KASH5: variants seen among roughly 807,000 people sequenced by gnomAD.
KASH5 encodes KASH domain containing 5.
Under a neutral mutation model 84.2 loss-of-function variants are expected in KASH5, and 72 were observed. The ratio of observed to expected loss-of-function variants is 0.85; its 90% CI spans 0.71 to 1.04. KASH5 has a LOEUF of 1.04. Among genes scored for constraint, KASH5 ranks in the 50% least tolerant of loss-of-function variants. KASH5 has a pLI of 0.00. For synonymous variants in KASH5, 260 were observed against 279.1 expected (o/e 0.93, Z 0.68); for missense variants, 650 against 701.0 (o/e 0.93, Z 0.82).
At chr19:49,407,694 C>G (rs973517031) in intron 12 of KASH5, 23 bp downstream of exon 12, 1 of 1,585,404 alleles carries the variant, frequency 6.3e-7, no homozygotes, top group African/African-American at 1.3e-5. Flanking sequence ...CCCTCGCCAC[C>G]CACCGCGGCC....
Position 49,414,063 on chromosome 19 carries a change from C to T in KASH5, c.1329-888C>T, listed in dbSNP as rs1442994353. On this transcript the variant is annotated intron_variant, in intron 16 of 19. Transcript: ENST00000447857. This position sits in a 1 kb window ranked among gnomAD's most constrained non-coding sequence, Gnocchi z 4.5. ...TCTAAGGGGCATTCAGGCTGGGCAG[C>T]TTGAGGCCTGAGTCCCCAAAGCAGC... 6.6e-6 allele frequency among the ~76,000 whole-genome samples: 1 copy of T among 151,940 alleles called. No individual in the cohort carries two copies. The highest frequency in any genetic ancestry group is 1.5e-5 in the Non-Finnish European group (1 of 67,970).
chr19:49,400,353 C>CTTTTTTTTTTTTTTTT (rs36066335), intron 9 of KASH5, among the ~76,000 whole-genome samples: 6 of 124,212 alleles, frequency 4.8e-5, no homozygotes, highest in Admixed American at 8.6e-5. Context: ...CTTTTAGTTT[C>CTTTTTTTTTTTTTTTT]TTTTTTTTTT....
chr19:49,409,053 A>C, intron 13 of KASH5, 22 bp downstream of exon 13: 1 of 1,581,516 alleles, frequency 6.3e-7, no homozygotes, highest in Non-Finnish European at 8.6e-7. Flanking sequence ...TTCAAGGGGT[A>C]GGAGGAGGCA....
At chr19:49,398,360 T>TTC (rs1027060562) in intron 7 of KASH5, among the ~76,000 whole-genome samples, 75 of 151,284 alleles carry the variant, frequency 5.0e-4, no homozygotes, top group African/African-American at 1.6e-3. Context: ...GGGTTCAGAC[T>TTC]TCTCTCTCTC....
chr19:49,393,587 C>A (rs1203244019), intron 2 of KASH5: 1 of 152,272 alleles, frequency 6.6e-6, no homozygotes, highest in African/African-American at 2.4e-5. Flanking sequence ...GTGGCTCCTG[C>A]AGTTGAGGAT....
chr19:49,399,149 C>G lies in KASH5; in HGVS notation c.747+7C>G. 1 of 1,546,448 alleles carries G rather than the reference C, an allele frequency of 6.5e-7. No homozygotes were observed. The highest frequency in any genetic ancestry group is 2.4e-5 in the East Asian group (1 of 40,878). Reference sequence around the variant, plus strand: ...GGCCCAAGCCCGGCAGGCGGTGGGTCTGGCCCAGGGGAAGGAAGGTGCCCT... The same window carrying G: ...GGCCCAAGCCCGGCAGGCGGTGGGTGTGGCCCAGGGGAAGGAAGGTGCCCT... On this transcript the variant is annotated splice_region_variant and intron_variant, in intron 8 of 19. Transcript: ENST00000447857. This position sits in a 1 kb window ranked among gnomAD's most constrained non-coding sequence, Gnocchi z 4.4.
intron 9 of KASH5, among the ~76,000 whole-genome samples, chr19:49,404,271 T>G (rs577533690): frequency 1.3e-5 from 2 of 152,298 alleles, no homozygotes; most frequent in South Asian, 4.1e-4. Context: ...GAAAGGGAAC[T>G]CTGGACTGCC....
rs940325935 is a variant in KASH5, at chr19:49,402,198, T to C, written c.798+2691T>C. Among the ~76,000 whole-genome samples the C allele has an allele frequency of 1.0e-4, 15 of 150,446 alleles. No homozygotes were observed. The East Asian group carries it at 3.0e-3, about 30-fold the overall frequency. ...CAGAGGTTGCAGTGAGCCAAGATGG[T>C]ACCAGTGTACTCCAGTCTGGGCGAC... On this transcript the variant is annotated intron_variant, in intron 9 of 19. Transcript: ENST00000447857.
At chr19:49,409,152 C>T in intron 13 of KASH5, 44 bp from the exon 14 acceptor site, 1 of 1,603,852 alleles carries the variant, frequency 6.2e-7, no homozygotes, top group African/African-American at 1.3e-5. Flanking sequence ...TGAGTGGCCA[C>T]CAGGCACAGA....
chr19:49,403,856 C>T (rs1974443776), intron 9 of KASH5, among the ~76,000 whole-genome samples: 2 of 152,210 alleles, frequency 1.3e-5, no homozygotes, highest in African/African-American at 2.4e-5. Flanking sequence ...GGTTCCCTCC[C>T]CTCTACCTTC....
Position 49,399,371 on chromosome 19 carries a change from G to A in KASH5, c.748-86G>A. 2 of 1,334,404 alleles carry A rather than the reference G, an allele frequency of 1.5e-6. No homozygotes were observed. Among genetic ancestry groups the A allele is most frequent in the Non-Finnish European group, 2.1e-6 (2 of 950,364 alleles). The allele number at this position is 1,334,404 out of a possible 1,614,324, so 82.7% of individuals were successfully genotyped here. ...CCCAGACCCATTCCCCCAGGCCCTG[G>A]TTGTGTTTTCAGGGGTGGGAGAAGG... On this transcript the variant is annotated intron_variant, in intron 8 of 19. Coordinates refer to ENST00000447857, the MANE Select transcript of KASH5 (RefSeq NM_144688.5). This position sits in a 1 kb window ranked among gnomAD's most constrained non-coding sequence, Gnocchi z 4.4.
chr19:49,392,146 A>G (rs868353390), intron 2 of KASH5, among the ~76,000 whole-genome samples: 9 of 152,094 alleles, frequency 5.9e-5, no homozygotes, highest in African/African-American at 2.2e-4. Flanking sequence ...GTAGGAACAC[A>G]CCCAGAAGGA....
At position 49,396,256 on chromosome 19, in the gene KASH5, T is replaced by G. The variant is rs549875571; in HGVS notation, c.400+423T>G. Among the ~76,000 whole-genome samples the G allele has an allele frequency of 9.6e-4, 91 of 94,760 alleles. 1 individual carries two copies. Among genetic ancestry groups the G allele is most frequent in the Middle Eastern group, 5.7e-3 (1 of 176 alleles). 62.2% of individuals were successfully genotyped at this position (94,760 alleles called of 152,430 possible). ...CACCCTGCTGGACTTTTTTTTTTTT[T>G]TTTTTTTTTTTTTTGAGATAAGAGT... On this transcript the variant is annotated intron_variant, in intron 5 of 19. Coordinates refer to ENST00000447857, the MANE Select transcript of KASH5 (RefSeq NM_144688.5).
intron 9 of KASH5, among the ~76,000 whole-genome samples, chr19:49,405,984 T>C (rs1568618270): frequency 7.2e-6 from 1 of 138,528 alleles, no homozygotes; most frequent in Non-Finnish European, 1.5e-5. Flanking sequence ...AAAAATTAGC[T>C]GGGTGTTGTG....
rs148178693 is a variant in KASH5, at chr19:49,402,670, G to A, written c.798+3163G>A. Reference sequence around the variant, plus strand: ...TGCAGCGAGCTGAGATTGTGCCACCGCATTCTAGCCTGGGTGACAGAGCGA... The same window carrying A: ...TGCAGCGAGCTGAGATTGTGCCACCACATTCTAGCCTGGGTGACAGAGCGA... On this transcript the variant is annotated intron_variant, in intron 9 of 19. Coordinates refer to ENST00000447857, the MANE Select transcript of KASH5 (RefSeq NM_144688.5). Among the ~76,000 whole-genome samples the A allele has an allele frequency of 4.7e-4, 71 of 152,250 alleles. 1 individual carries two copies. The highest frequency in any genetic ancestry group is 1.4e-3 in the African/African-American group (57 of 41,550).
At position 49,399,590 on chromosome 19, in the gene KASH5, C is replaced by A. The variant is rs1453034421; in HGVS notation, c.798+83C>A. The stretch of plus-strand genomic sequence containing the variant: ...CACCACTCCCTTCTGCCCCCAACAC[C>A]CCAGCAGCCTGTCTTGGGGAGACCT... On this transcript the variant is annotated intron_variant, in intron 9 of 19. Transcript: ENST00000447857. The surrounding 1 kb of genome is among the most constrained non-coding windows in gnomAD (Gnocchi z 4.4). The A allele has an allele frequency of 6.4e-7, 1 of 1,552,746 alleles. No individual in the cohort carries two copies. The highest frequency in any genetic ancestry group is 2.0e-5 in the Admixed American group (1 of 51,058).
rs1974812418 is a variant in KASH5 at position 49,414,066 on chromosome 19, G to A, written c.1329-885G>A. On this transcript the variant is annotated intron_variant, in intron 16 of 19. Coordinates refer to ENST00000447857, the MANE Select transcript of KASH5 (RefSeq NM_144688.5). This position sits in a 1 kb window ranked among gnomAD's most constrained non-coding sequence, Gnocchi z 4.5. ...AAGGGGCATTCAGGCTGGGCAGCTT[G>A]AGGCCTGAGTCCCCAAAGCAGCATT... Among the ~76,000 whole-genome samples, 1 of 152,050 alleles carries A rather than the reference G, an allele frequency of 6.6e-6. No homozygotes were observed. Among genetic ancestry groups the A allele is most frequent in the Admixed American group, 6.5e-5 (1 of 15,270 alleles).
rs1181491600 is a variant in KASH5, at chr19:49,395,154, G to T, written c.197G>T (p.Gly66Val). Residue 66 changes from glycine (G) to valine (V), a missense_variant, in exon 4 of 20, where the codon GGC becomes GTC. Coordinates refer to ENST00000447857, the MANE Select transcript of KASH5 (RefSeq NM_144688.5). The surrounding 1 kb of genome is among the most constrained non-coding windows in gnomAD (Gnocchi z 4.4). ...CTGGCCTACCTGGAGGCTGTGACAG[G>T]CCAGGGCCCCCAGGATGCACGCCTC... The part of the protein sequence containing the change: ...QVLAYLEAVT[G>V]QGPQDARLQT... 1 of 1,612,680 alleles carries T rather than the reference G, an allele frequency of 6.2e-7. No homozygotes were observed. Among genetic ancestry groups the T allele is most frequent in the Admixed American group, 1.7e-5 (1 of 59,844 alleles).
chr19:49,405,809 A>T (rs1974506580), intron 9 of KASH5, among the ~76,000 whole-genome samples: 1 of 152,060 alleles, frequency 6.6e-6, no homozygotes, highest in Non-Finnish European at 1.5e-5. Flanking sequence ...ATACAAAATT[A>T]GCTGAGCGTG....
Sources: allele counts gnomAD v4.1 joint callset (sites outside exome capture counted in the v4.1 genomes callset), GRCh38; gene constraint gnomAD v4.1.1; non-coding constraint Gnocchi (gnomAD v3.1); transcripts MANE v1.5; gene names NCBI Gene and HGNC (gene_info 2026-07-23, HGNC 2026-07-21).